EPB41L4A: variants seen among roughly 807,000 people sequenced by gnomAD.
EPB41L4A encodes band 4.1-like protein 4A.
A neutral mutation model predicts 108.6 loss-of-function variants in EPB41L4A; 100 were observed. The ratio of observed to expected loss-of-function variants is 0.92; its 90% CI spans 0.78 to 1.09. EPB41L4A has a LOEUF of 1.09. Among genes scored for constraint, EPB41L4A ranks in the 50% least tolerant of loss-of-function variants. The pLI, the probability that EPB41L4A is intolerant of heterozygous loss-of-function variation, is 0.00. For missense variants in EPB41L4A, 1,030 were observed against 842.7 expected (o/e 1.22, Z -2.75); for synonymous variants, 319 against 289.0 (o/e 1.10, Z -1.05).
At chr5:112,145,315 G>T (rs960133164) in intron 13 of EPB41L4A, among the ~76,000 whole-genome samples, 2 of 152,202 alleles carry the variant, frequency 1.3e-5, no homozygotes, top group South Asian at 4.2e-4. Context: ...ATTTGATAAC[G>T]GAGATTTTAT....
chr5:112,232,129 AGAG>A (rs150900232), intron 12 of EPB41L4A, among the ~76,000 whole-genome samples: 22 of 137,794 alleles, frequency 1.6e-4, no homozygotes, highest in Admixed American at 5.0e-4. Context: ...AAAAAAAAAA[AGAG>A]AGAGAGAGAG....
intron 12 of EPB41L4A, among the ~76,000 whole-genome samples, chr5:112,147,560 C>T (rs1347890324): frequency 2.0e-5 from 3 of 151,420 alleles, no homozygotes; most frequent in African/African-American, 7.3e-5. Flanking sequence ...GAATCACGAA[C>T]CCGGGAGGCA....
rs780169015 is a variant in EPB41L4A, at chr5:112,310,078, C to G, written c.100-2588G>C. On this transcript the variant is annotated intron_variant, in intron 1 of 22. Transcript: ENST00000261486. Reference sequence around the variant, plus strand: ...GGCCCTGCAGGGAAGCCAGCCATGACATCCTGGACTTGTGGCCTACAGAAC... The same window carrying G: ...GGCCCTGCAGGGAAGCCAGCCATGAGATCCTGGACTTGTGGCCTACAGAAC... Among the ~76,000 whole-genome samples, 3 of 152,230 alleles carry G rather than the reference C, an allele frequency of 2.0e-5. No individual in the cohort carries two copies. In the East Asian group the frequency reaches 5.8e-4, roughly 29 times the overall value.
At chr5:112,179,446 T>G (rs1309003310) in intron 18 of EPB41L4A, among the ~76,000 whole-genome samples, 7 of 152,052 alleles carry the variant, frequency 4.6e-5, no homozygotes, top group African/African-American at 1.7e-4. Flanking sequence ...TAATGCCAAA[T>G]AGAATCCAGC....
At chr5:112,401,916 C>G (rs189274203) in intron 1 of EPB41L4A, among the ~76,000 whole-genome samples, 6 of 152,310 alleles carry the variant, frequency 3.9e-5, no homozygotes, top group Non-Finnish European at 8.8e-5. Context: ...CTTAGAGCAG[C>G]AAAATGTATT....
upstream of EPB41L4A, chr5:112,419,522 GGCCTGCGGA>G (rs1290870434): frequency 1.2e-5 from 5 of 409,994 alleles, no homozygotes; most frequent in Non-Finnish European, 2.4e-5. Flanking sequence ...GCGTCCGATC[GGCCTGCGGA>G]GTCCCCCGCG....
chr5:112,361,198 G>A (rs898467150), intron 1 of EPB41L4A, among the ~76,000 whole-genome samples: 12 of 152,242 alleles, frequency 7.9e-5, no homozygotes, highest in African/African-American at 2.9e-4. Context: ...GCCTTGGGAT[G>A]CTGTTAATCT....
At chr5:112,276,419 G>A (rs1752633680) in intron 3 of EPB41L4A, among the ~76,000 whole-genome samples, 1 of 152,138 alleles carries the variant, frequency 6.6e-6, no homozygotes, top group Non-Finnish European at 1.5e-5. Flanking sequence ...TTTTATTTCT[G>A]AGGGTATCAA....
intron 12 of EPB41L4A, among the ~76,000 whole-genome samples, chr5:112,147,765 G>A (rs987608655): frequency 2.0e-5 from 3 of 151,528 alleles, no homozygotes; most frequent in Non-Finnish European, 4.4e-5. Context: ...CCAAATATAG[G>A]CCTACCTGGC....
At chr5:112,188,242 C>G (rs1463825280) in intron 17 of EPB41L4A, among the ~76,000 whole-genome samples, 1 of 151,990 alleles carries the variant, frequency 6.6e-6, no homozygotes, top group Admixed American at 6.5e-5. Flanking sequence ...TTTTTCTTCC[C>G]TAGGGAAATG....
intron 1 of EPB41L4A, among the ~76,000 whole-genome samples, chr5:112,327,547 C>G (rs1042833062): frequency 6.6e-6 from 1 of 152,036 alleles, no homozygotes; most frequent in Non-Finnish European, 1.5e-5. Flanking sequence ...AAGATCCCAT[C>G]TCTACAAAAA....
At chr5:112,158,782 C>G (rs1334521628), downstream of EPB41L4A, among the ~76,000 whole-genome samples, 1 of 152,078 alleles carries the variant, frequency 6.6e-6, no homozygotes. Context: ...GGTAACCAAC[C>G]CTATGATTCA....
At chr5:112,297,219 T>C (rs1319028575) in intron 2 of EPB41L4A, among the ~76,000 whole-genome samples, 1 of 152,200 alleles carries the variant, frequency 6.6e-6, no homozygotes, top group Non-Finnish European at 1.5e-5. Context: ...CTCCACACTG[T>C]TTTCCATAGT....
intron 3 of EPB41L4A, among the ~76,000 whole-genome samples, chr5:112,277,277 T>G (rs984291270): frequency 6.6e-6 from 1 of 152,144 alleles, no homozygotes; most frequent in African/African-American, 2.4e-5. Flanking sequence ...CTTCTATTCT[T>G]TGGAACATGA....
At chr5:112,396,878 C>T (rs994593478) in intron 1 of EPB41L4A, among the ~76,000 whole-genome samples, 1 of 152,186 alleles carries the variant, frequency 6.6e-6, no homozygotes, top group Non-Finnish European at 1.5e-5. Context: ...TATGGGTATA[C>T]TTTTAAGCTG....
intron 12 of EPB41L4A, among the ~76,000 whole-genome samples, chr5:112,226,337 C>T (rs1482648167): frequency 6.6e-6 from 1 of 152,134 alleles, no homozygotes. Flanking sequence ...CTTTTGAATT[C>T]CCTGATCCAG....
At chr5:112,355,824 T>C (rs1758328380) in intron 1 of EPB41L4A, among the ~76,000 whole-genome samples, 1 of 152,156 alleles carries the variant, frequency 6.6e-6, no homozygotes, top group Admixed American at 6.5e-5. Flanking sequence ...CAGAGAATCC[T>C]TACTTTTCTA....
chr5:112,292,477 G>A (rs1448430870), intron 2 of EPB41L4A, among the ~76,000 whole-genome samples: 1 of 151,958 alleles, frequency 6.6e-6, no homozygotes. Flanking sequence ...AGTCCAGAAG[G>A]GAAAGTAGGT....
At chr5:112,390,631 C>T (rs999767980) in intron 1 of EPB41L4A, among the ~76,000 whole-genome samples, 1 of 152,210 alleles carries the variant, frequency 6.6e-6, no homozygotes. Context: ...CATAGCTGAA[C>T]AAAAGGCAGC....
Sources: allele counts gnomAD v4.1 joint callset (sites outside exome capture counted in the v4.1 genomes callset), GRCh38; gene constraint gnomAD v4.1.1; transcripts MANE v1.5; gene names NCBI Gene and HGNC (gene_info 2026-07-23, HGNC 2026-07-21).